The following ZNF420 variants were observed in gnomAD, a reference collection of about 807,000 sequenced individuals.
ZNF420 encodes the protein ATM and p53-associated KZNF protein.
ZNF420 carries 31 observed loss-of-function variants against 44.7 expected under a neutral mutation model. The ratio of observed to expected loss-of-function variants is 0.69; its 90% CI spans 0.52 to 0.94. The LOEUF (loss-of-function observed/expected upper bound fraction) is 0.94. ZNF420 is among the 40% of genes least tolerant of loss of function. The probability of loss-of-function intolerance (pLI) is 0.00; values close to 1 mark genes in which losing one functional copy is unlikely to be tolerated. For missense variants in ZNF420, 681 were observed against 827.9 expected (o/e 0.82, Z 2.18); for synonymous variants, 245 against 267.4 (o/e 0.92, Z 0.82).
chr19:37,025,342 ATCTTG>A (rs1440588552), intron 1 of ZNF420: 5 of 179,370 alleles, frequency 2.8e-5, no homozygotes. Flanking sequence ...CTGTCTGAAA[ATCTTG>A]TTTTTTTAAA....
At chr19:37,021,926 C>T (rs2074651903) in intron 1 of ZNF420, among the ~76,000 whole-genome samples, 1 of 107,276 alleles carries the variant, frequency 9.3e-6, no homozygotes, top group African/African-American at 3.7e-5. Context: ...AACAGAGCGA[C>T]AGTCTGTCTC....
chr19:37,122,447 ACTC>A, intron 4 of ZNF420, among the ~76,000 whole-genome samples: 1 of 119,262 alleles, frequency 8.4e-6, no homozygotes, highest in Admixed American at 1.1e-4. Context: ...GGAACATCAC[ACTC>A]CAGGGACTGT....
chr19:37,067,373 T>C (rs140710267), intron 1 of ZNF420, among the ~76,000 whole-genome samples: 7 of 152,298 alleles, frequency 4.6e-5, no homozygotes, highest in African/African-American at 1.4e-4. Context: ...AGGGGTAAAG[T>C]ATACGATGTC....
chr19:37,050,298 A>G (rs1166235030), intron 1 of ZNF420, among the ~76,000 whole-genome samples: 1 of 152,132 alleles, frequency 6.6e-6, no homozygotes, highest in East Asian at 1.9e-4. Flanking sequence ...TCTATAAATT[A>G]CCTTGGGCAG....
chr19:37,106,229 C>CTTT (rs1970076458), intron 4 of ZNF420, among the ~76,000 whole-genome samples: 1 of 152,116 alleles, frequency 6.6e-6, no homozygotes. Flanking sequence ...GCATGAAGGG[C>CTTT]TGTTGAATTT....
At chr19:37,117,473 G>T (rs10412962) in intron 4 of ZNF420, among the ~76,000 whole-genome samples, 48 of 151,106 alleles carry the variant, frequency 3.2e-4, no homozygotes, top group African/African-American at 1.1e-3. Context: ...CCATCTGTAC[G>T]TCACCATCAT....
chr19:37,069,254 C>T (rs984247327), intron 1 of ZNF420, among the ~76,000 whole-genome samples: 1 of 152,266 alleles, frequency 6.6e-6, no homozygotes, highest in Non-Finnish European at 1.5e-5. Flanking sequence ...ACCGTACTTT[C>T]ACTGCCCACA....
Position 37,127,875 on chromosome 19 carries a change from T to C in ZNF420, c.884T>C (p.Ile295Thr), listed in dbSNP as rs866472603. Residue 295 changes from isoleucine (I) to threonine (T), a missense_variant, in exon 5 of 5, where the codon ATT becomes ACT. Transcript: ENST00000337995. ...RKVFTQLSQLILHKRIHTGEK... is the reference protein window; with the variant it reads ...RKVFTQLSQLTLHKRIHTGEK... ...GTCTTTACTCAGCTCTCACAACTTATTCTGCATAAGAGAATTCATACCGGT... is the reference window on the plus strand; with the variant it reads ...GTCTTTACTCAGCTCTCACAACTTACTCTGCATAAGAGAATTCATACCGGT... The C allele has an allele frequency of 3.1e-6, 5 of 1,613,756 alleles. No individual in the cohort carries two copies. Among genetic ancestry groups the C allele is most frequent in the South Asian group, 1.1e-5 (1 of 91,068 alleles).
intron 1 of ZNF420, among the ~76,000 whole-genome samples, chr19:37,045,989 G>A (rs1174218681): frequency 6.6e-6 from 1 of 152,176 alleles, no homozygotes; most frequent in Non-Finnish European, 1.5e-5. Flanking sequence ...AGGAAGCCAA[G>A]GCAGAAACCC....
rs1398799588 is a variant in ZNF420 at position 37,128,107 on chromosome 19, T to C, written c.1116T>C (p.Phe372=). The part of the protein sequence containing the change: ...PYKCEECGKA[F]IRGSQLTQHQ... Reference sequence around the variant, plus strand: ...AATGTGAAGAATGTGGGAAGGCCTTTATCCGTGGCTCACAACTTACTCAAC... The same window carrying C: ...AATGTGAAGAATGTGGGAAGGCCTTCATCCGTGGCTCACAACTTACTCAAC... The change falls in exon 5 of 5, where the codon TTT becomes TTC. Residue 372 remains phenylalanine, a synonymous_variant. Transcript: ENST00000337995. The C allele has an allele frequency of 3.1e-6, 5 of 1,614,020 alleles. No individual in the cohort carries two copies. The highest frequency in any genetic ancestry group is 4.2e-6 in the Non-Finnish European group (5 of 1,179,994).
intron 4 of ZNF420, chr19:37,109,573 T>G (rs1223192522): frequency 1.3e-5 from 2 of 152,240 alleles, no homozygotes; most frequent in Non-Finnish European, 2.9e-5. Context: ...TTTTATCTTG[T>G]GAGTTGATGG....
chr19:37,095,784 A>T (rs906465370), intron 4 of ZNF420, among the ~76,000 whole-genome samples: 1 of 152,022 alleles, frequency 6.6e-6, no homozygotes, highest in Non-Finnish European at 1.5e-5. Flanking sequence ...TTTTTAGTAG[A>T]GACGGGGTTT....
chr19:37,109,454 TTC>T (rs1229491600), intron 4 of ZNF420: 1 of 152,210 alleles, frequency 6.6e-6, no homozygotes, highest in Non-Finnish European at 1.5e-5. Flanking sequence ...CACCTTTGTG[TTC>T]TCAAGGCCTT....
At chr19:37,121,768 T>C (rs1177327869) in intron 4 of ZNF420, among the ~76,000 whole-genome samples, 2 of 151,836 alleles carry the variant, frequency 1.3e-5, no homozygotes, top group Non-Finnish European at 2.9e-5. Flanking sequence ...TGAACTCAAA[T>C]TTACAAGAAA....
At chr19:37,026,681 C>T (rs537329352) in intron 1 of ZNF420, among the ~76,000 whole-genome samples, 2 of 152,180 alleles carry the variant, frequency 1.3e-5, no homozygotes, top group African/African-American at 2.4e-5. Flanking sequence ...AGGCTGGTCT[C>T]GAACTCCTGA....
intron 1 of ZNF420, among the ~76,000 whole-genome samples, chr19:37,067,512 C>T (rs1253893991): frequency 6.6e-6 from 1 of 151,856 alleles, no homozygotes; most frequent in Non-Finnish European, 1.5e-5. Context: ...ACTTAGATAG[C>T]GAATGTATGG....
chr19:37,117,244 T>C (rs1345146682), intron 4 of ZNF420, among the ~76,000 whole-genome samples: 1 of 152,158 alleles, frequency 6.6e-6, no homozygotes, highest in Non-Finnish European at 1.5e-5. Context: ...CGGGTACTCC[T>C]CTGAGACAAA....
intron 4 of ZNF420, chr19:37,107,445 C>T (rs1482299717): frequency 6.6e-6 from 1 of 152,328 alleles, no homozygotes; most frequent in African/African-American, 2.4e-5. Context: ...CTTGAGTCAA[C>T]ACAGCACATG....
chr19:37,096,883 T>G (rs1969483203), intron 4 of ZNF420, among the ~76,000 whole-genome samples: 1 of 151,970 alleles, frequency 6.6e-6, no homozygotes, highest in Non-Finnish European at 1.5e-5. Context: ...TCTGTAAAGT[T>G]TCATGGTTTT....
Sources: gnomAD v4.1 joint callset for allele counts (sites outside exome capture counted in the v4.1 genomes callset) on GRCh38, gnomAD v4.1.1 for gene constraint, MANE v1.5 for transcripts, NCBI Gene and HGNC (gene_info 2026-07-23, HGNC 2026-07-21) for gene names.